GPSM2: variants seen among roughly 807,000 people sequenced by gnomAD.
GPSM2 encodes the protein G protein-signaling modulator 2.
In GPSM2, 58 loss-of-function variants were observed where a neutral mutation model predicts 78.4. The observed-to-expected ratio is 0.74, with a 90% CI of 0.60 to 0.92. The LOEUF (loss-of-function observed/expected upper bound fraction) is 0.92. Ranked by LOEUF, GPSM2 falls within the 40% of genes least tolerant of loss-of-function variation. The pLI, the probability that GPSM2 is intolerant of heterozygous loss-of-function variation, is 0.00. For synonymous variants in GPSM2, 224 were observed against 280.2 expected (o/e 0.80, Z 2.00); for missense variants, 700 against 815.5 (o/e 0.86, Z 1.73).
In GPSM2 at chr1:108,898,933, A is replaced by G; in HGVS notation, c.736A>G (p.Ser246Gly). The change falls in exon 7 of 15, where the codon AGC becomes GGC. Residue 246 changes from serine (S) to glycine (G), a missense_variant. Coordinates refer to ENST00000264126, the MANE Select transcript of GPSM2 (RefSeq NM_013296.5). ...GDKAAERRAY[S>G]NLGNAYIFLG... is the part of the protein sequence containing the mutation. ...TAAAGCAGCTGAAAGAAGAGCATAT[A>G]GCAACCTTGGAAATGCATATATATT... 1 of 1,613,494 alleles carries G rather than the reference A, an allele frequency of 6.2e-7. No individual in the cohort carries two copies. Among genetic ancestry groups the G allele is most frequent in the Non-Finnish European group, 8.5e-7 (1 of 1,179,386 alleles).
intron 8 of GPSM2, among the ~76,000 whole-genome samples, chr1:108,902,772 G>A (rs1648919141): frequency 6.6e-6 from 1 of 152,180 alleles, no homozygotes; most frequent in African/African-American, 2.4e-5. Context: ...CTCTCTCCCT[G>A]CTGCTCAAAC....
chr1:108,927,574 A>C (rs565115438), intron 14 of GPSM2, among the ~76,000 whole-genome samples: 29 of 152,330 alleles, frequency 1.9e-4, no homozygotes, highest in African/African-American at 6.5e-4. Context: ...GGTTCTGGGT[A>C]AACTAGAGAG....
Position 108,929,400 on chromosome 1 carries a change from G to T in GPSM2, c.1816-301G>T, listed in dbSNP as rs183539781. On this transcript the variant is annotated intron_variant, in intron 14 of 14. Transcript: ENST00000264126. ...ACAGTTGACCTTGTCTTTTATCCTT[G>T]TGACCAATTATAATTAAAACAGTAT... 247 of 367,324 alleles carry T rather than the reference G, an allele frequency of 6.7e-4. 2 individuals are homozygous for T. Among genetic ancestry groups the T allele is most frequent in the African/African-American group, 5.0e-3 (240 of 47,922 alleles). The allele number at this position is 367,324 out of a possible 1,614,324, so 22.8% of individuals were successfully genotyped here. A position where few individuals can be genotyped will look rare whatever the true frequency, so the allele number is the denominator to read the frequency against.
intron 14 of GPSM2, among the ~76,000 whole-genome samples, chr1:108,928,498 T>A (rs1651334315): frequency 6.6e-6 from 1 of 152,240 alleles, no homozygotes; most frequent in South Asian, 2.1e-4. Context: ...AACTGCACCC[T>A]CTGAGGGTTG....
chr1:108,895,243 C>A (rs185919927), intron 2 of GPSM2, among the ~76,000 whole-genome samples: 1 of 152,286 alleles, frequency 6.6e-6, no homozygotes, highest in East Asian at 1.9e-4. Flanking sequence ...AACAACTGCT[C>A]TATTGGAGTG....
intron 14 of GPSM2, among the ~76,000 whole-genome samples, chr1:108,928,618 G>A (rs569171786): frequency 6.6e-6 from 1 of 152,344 alleles, no homozygotes; most frequent in East Asian, 1.9e-4. Flanking sequence ...TACAATGCCA[G>A]AAACTATGGT....
At chr1:108,918,871 A>C in intron 12 of GPSM2, 82 bp downstream of exon 12, 5 of 845,624 alleles carry the variant, frequency 5.9e-6, no homozygotes, top group Non-Finnish European at 1.0e-5. Flanking sequence ...AATTTTTAGT[A>C]ATTTAAATTA....
rs759818264 is a variant in GPSM2 at position 108,918,684 on chromosome 1, C to CT, written c.1338dup (p.Val447CysfsTer16). 5.0e-6 allele frequency: 8 copies of CT among 1,613,122 alleles called. No homozygotes were observed. Among genetic ancestry groups the CT allele is most frequent in the Non-Finnish European group, 5.9e-6 (7 of 1,179,148 alleles). ...TTGCCAAACCTTCTGCAAAGCTACT[C>CT]TTTGTCAACAGACTGAAGGGGAAAA... On this transcript the variant is annotated frameshift_variant, in exon 12 of 15. Transcript: ENST00000264126. LOFTEE classifies it high-confidence loss of function.
At chr1:108,925,502 A>G (rs1312634037) in intron 14 of GPSM2, among the ~76,000 whole-genome samples, 2 of 140,188 alleles carry the variant, frequency 1.4e-5, no homozygotes, top group African/African-American at 5.1e-5. Context: ...CAACAGCCAG[A>G]GAGTTGGAAG....
rs1456481879 is a variant in GPSM2 at position 108,922,532 on chromosome 1, C to T, written c.1556C>T (p.Ala519Val). 1.3e-6 allele frequency: 2 copies of T among 1,589,910 alleles called. No homozygotes were observed. Among genetic ancestry groups the T allele is most frequent in the East Asian group, 2.2e-5 (1 of 44,790 alleles). Residue 519 changes from alanine to valine, a missense_variant, in exon 13 of 15, where the codon GCT (alanine) becomes GTT (valine). Coordinates refer to ENST00000264126, the MANE Select transcript of GPSM2 (RefSeq NM_013296.5). ...CCLQEKNCHT[A>V]STTTSSTPPK... ...TTACAAGAAAAGAACTGCCATACAG[C>T]TTCAACAACAACTTCTTCCACTCCC...
At chr1:108,896,627 A>G (rs936727023) in intron 2 of GPSM2, among the ~76,000 whole-genome samples, 1 of 152,242 alleles carries the variant, frequency 6.6e-6, no homozygotes, top group Non-Finnish European at 1.5e-5. Context: ...TGAGCTCCAC[A>G]TAAAGATATT....
chr1:108,901,959 C>CT lies in GPSM2; in HGVS notation c.953+19dup, dbSNP rs754526171. 2 of 1,581,198 alleles carry CT rather than the reference C, an allele frequency of 1.3e-6. No homozygotes were observed. The highest frequency in any genetic ancestry group is 2.2e-5 in the South Asian group (2 of 90,308). On this transcript the variant is annotated intron_variant, in intron 8 of 14. Coordinates refer to ENST00000264126, the MANE Select transcript of GPSM2 (RefSeq NM_013296.5). ...GCTGAATGATAGGTATGTTTTACGT[C>CT]TTTTTACCATAACTAAGGTAAAATA...
At chr1:108,878,639 G>A (rs1356239027) in intron 1 of GPSM2, among the ~76,000 whole-genome samples, 1 of 151,896 alleles carries the variant, frequency 6.6e-6, no homozygotes, top group Non-Finnish European at 1.5e-5. Flanking sequence ...TTAGTTCTCT[G>A]GAATTTTAAA....
Position 108,898,716 on chromosome 1 carries a change from C to A in GPSM2, c.632C>A (p.Thr211Lys). The change falls in exon 6 of 15, where the codon ACA becomes AAA. Residue 211 changes from threonine (T) to lysine (K), a missense_variant. Physicochemically the swap from Thr to Lys is moderately conservative, Grantham distance 78. Transcript: ENST00000264126. ...QGRAFGNLGN[T>K]HYLLGNFRDA... ...CGTGCCTTTGGAAATCTTGGAAACA[C>A]ACATTACCTCCTTGGCAACTTCAGG... The A allele has an allele frequency of 1.9e-6, 3 of 1,613,918 alleles. No individual in the cohort carries two copies. The highest frequency in any genetic ancestry group is 1.7e-6 in the Non-Finnish European group (2 of 1,179,818).
At chr1:108,927,343 T>C (rs887501550) in intron 14 of GPSM2, among the ~76,000 whole-genome samples, 3 of 152,072 alleles carry the variant, frequency 2.0e-5, no homozygotes, top group East Asian at 1.9e-4. Flanking sequence ...ATATCCGAAA[T>C]AGTCTTGAGA....
At chr1:108,928,785 T>C (rs1651383833) in intron 14 of GPSM2, among the ~76,000 whole-genome samples, 1 of 152,110 alleles carries the variant, frequency 6.6e-6, no homozygotes, top group African/African-American at 2.4e-5. Context: ...GGTCAAGAGT[T>C]CGAGACCAGC....
At chr1:108,901,286 A>G (rs547915306) in intron 7 of GPSM2, among the ~76,000 whole-genome samples, 5 of 152,354 alleles carry the variant, frequency 3.3e-5, no homozygotes, top group African/African-American at 1.2e-4. Context: ...TGTAGTATTC[A>G]GTATTTTTCA....
intron 12 of GPSM2, among the ~76,000 whole-genome samples, chr1:108,920,239 C>G (rs1650597807): frequency 6.6e-6 from 1 of 152,074 alleles, no homozygotes; most frequent in African/African-American, 2.4e-5. Context: ...GAGGCCAAGG[C>G]AGGCGGATCA....
chr1:108,918,553 A>G, intron 11 of GPSM2, 60 bp from the exon 12 acceptor site: 2 of 1,259,984 alleles, frequency 1.6e-6, no homozygotes, highest in Non-Finnish European at 2.3e-6. Flanking sequence ...ATGGGAAACC[A>G]GAAGAGAGCT....
Sources: gnomAD v4.1 joint callset for allele counts (sites outside exome capture counted in the v4.1 genomes callset) on GRCh38, gnomAD v4.1.1 for gene constraint, MANE v1.5 for transcripts, NCBI Gene and HGNC (gene_info 2026-07-23, HGNC 2026-07-21) for gene names.